Variants in TSC22D2 observed in about 807,000 individuals in gnomAD.
TSC22D2 encodes the protein TSC22 domain family member 2, also known as TSC22 domain family protein 2.
TSC22D2 carries 5 observed loss-of-function variants against 50.1 expected under a neutral mutation model. The observed-to-expected ratio is 0.10, with a 90% CI of 0.05 to 0.21. The LOEUF (loss-of-function observed/expected upper bound fraction) is 0.21. TSC22D2 is among the 10% of genes least tolerant of loss of function. The pLI is 1.00. For missense variants in TSC22D2, 1,003 were observed against 1,015.5 expected (o/e 0.99, Z 0.17); for synonymous variants, 501 against 450.1 (o/e 1.11, Z -1.43).
intron 1 of TSC22D2, among the ~76,000 whole-genome samples, chr3:150,420,314 G>A (rs935827897): frequency 1.3e-5 from 2 of 152,106 alleles, no homozygotes; most frequent in African/African-American, 4.8e-5. Flanking sequence ...CTCAGTTTAT[G>A]GATAACATCC....
At chr3:150,453,549 CG>C (rs1405227364) in intron 1 of TSC22D2, among the ~76,000 whole-genome samples, 8 of 152,068 alleles carry the variant, frequency 5.3e-5, no homozygotes, top group Non-Finnish European at 1.0e-4. Flanking sequence ...AAATAGATTA[CG>C]GGGCCCCGCC....
intron 1 of TSC22D2, among the ~76,000 whole-genome samples, chr3:150,428,635 C>T (rs1720277948): frequency 6.6e-6 from 1 of 150,572 alleles, no homozygotes; most frequent in South Asian, 2.1e-4. Context: ...GTGTTAATGG[C>T]ATTTTGTAGT....
chr3:150,447,335 T>G (rs1336946302), intron 1 of TSC22D2, among the ~76,000 whole-genome samples: 2 of 152,210 alleles, frequency 1.3e-5, no homozygotes, highest in East Asian at 3.9e-4. Flanking sequence ...GCCCCACTTG[T>G]CTTTTCATTG....
chr3:150,441,480 C>T (rs890007935), intron 1 of TSC22D2, among the ~76,000 whole-genome samples: 1 of 152,056 alleles, frequency 6.6e-6, no homozygotes, highest in East Asian at 1.9e-4. Context: ...TTATTGGAGG[C>T]CGGGCATGGT....
At chr3:150,420,433 CTG>C (rs1354790839) in intron 1 of TSC22D2, among the ~76,000 whole-genome samples, 2 of 152,158 alleles carry the variant, frequency 1.3e-5, no homozygotes, top group African/African-American at 2.4e-5. Context: ...GATTGTGTAA[CTG>C]TGTACTATAG....
rs576249682 is a variant in TSC22D2 at position 150,434,830 on chromosome 3, AT to A, written c.1959-22245del. 1.7e-3 allele frequency among the ~76,000 whole-genome samples: 249 copies of A among 149,110 alleles called. 2 individuals carry two copies. The highest frequency in any genetic ancestry group is 0.014 in the Admixed American group (206 of 14,836). Reference sequence around the variant, plus strand: ...TACTTATGCTTATATATGTATGTGTATATATGTACATATGCTTATATATGTA... The same window carrying A: ...TACTTATGCTTATATATGTATGTGTAATATGTACATATGCTTATATATGTA... On this transcript the variant is annotated intron_variant, in intron 1 of 2. Coordinates refer to ENST00000688009, the MANE Select transcript of TSC22D2 (RefSeq NM_001303264.2).
intron 1 of TSC22D2, among the ~76,000 whole-genome samples, chr3:150,432,255 CT>C (rs1560085575): frequency 6.6e-6 from 1 of 152,134 alleles, no homozygotes; most frequent in African/African-American, 2.4e-5. Flanking sequence ...TGTTTACCAC[CT>C]TCCTCTTTAG....
chr3:150,432,594 A>T (rs1472006280), intron 1 of TSC22D2, among the ~76,000 whole-genome samples: 3 of 151,918 alleles, frequency 2.0e-5, no homozygotes, highest in East Asian at 1.9e-4. Context: ...TTAAAAAAAA[A>T]AAATAATAAA....
Position 150,408,939 on chromosome 3 carries a change from C to G in TSC22D2, c.-412C>G, listed in dbSNP as rs1719372178. Reference sequence around the variant, plus strand: ...TCCTCCTCCTCTTCGCCCTCCCACTCCCACCCCCAGCCAAGGCCTGCTGAC... The same window carrying G: ...TCCTCCTCCTCTTCGCCCTCCCACTGCCACCCCCAGCCAAGGCCTGCTGAC... On this transcript the variant is annotated 5_prime_UTR_variant, in exon 1 of 3. Transcript: ENST00000688009. 2 of 170,648 alleles carry G rather than the reference C, an allele frequency of 1.2e-5. No homozygotes were observed. Among genetic ancestry groups the G allele is most frequent in the African/African-American group, 4.8e-5 (2 of 41,818 alleles). The allele number at this position is 170,648 out of a possible 1,614,324, so 10.6% of individuals were successfully genotyped here. A position where few individuals can be genotyped will look rare whatever the true frequency, so the allele number is the denominator to read the frequency against.
In TSC22D2 at chr3:150,414,220, A is replaced by G. The variant is rs1274208576; in HGVS notation, c.1958+2912A>G. Among the ~76,000 whole-genome samples the G allele has an allele frequency of 2.0e-5, 3 of 152,234 alleles. No individual in the cohort carries two copies. The East Asian group carries it at 5.8e-4, about 29-fold the overall frequency. On this transcript the variant is annotated intron_variant, in intron 1 of 2. Transcript: ENST00000688009. ...TTATCTTTCTGGCCATTTTCATTAGAAAGGTTTATGGTCAGTTGTTGAGAC... is the reference window on the plus strand; with the variant it reads ...TTATCTTTCTGGCCATTTTCATTAGGAAGGTTTATGGTCAGTTGTTGAGAC...
At chr3:150,450,430 A>G (rs1721005598) in intron 1 of TSC22D2, among the ~76,000 whole-genome samples, 1 of 152,072 alleles carries the variant, frequency 6.6e-6, no homozygotes, top group African/African-American at 2.4e-5. Flanking sequence ...GTTACTGCTA[A>G]TAATAATCTC....
At chr3:150,428,592 A>G (rs1720272215) in intron 1 of TSC22D2, among the ~76,000 whole-genome samples, 1 of 85,056 alleles carries the variant, frequency 1.2e-5, no homozygotes, top group Non-Finnish European at 3.0e-5. Flanking sequence ...GACTGGGTAT[A>G]GTAAAAAAAA....
Position 150,411,248 on chromosome 3 carries a change from T to C in TSC22D2, c.1898T>C (p.Met633Thr). The C allele has an allele frequency of 1.9e-6, 3 of 1,614,194 alleles. No homozygotes were observed. Among genetic ancestry groups the C allele is most frequent in the Non-Finnish European group, 2.5e-6 (3 of 1,180,024 alleles). ...GCAAACCCCCTTCAGTTAACACCTA[T>C]GAACAGTCTGGCCACCTCTGTATTC... The part of the protein sequence containing the change: ...SLANPLQLTP[M>T]NSLATSVFSI... Residue 633 changes from methionine to threonine, a missense_variant, in exon 1 of 3, where the codon ATG becomes ACG. Met to Thr is a moderately conservative substitution (Grantham distance 81). Around this residue, in one of 6 missense-constraint regions of TSC22D2, gnomAD observed 696 missense variants for 647.8 expected, o/e 1.07. Transcript: ENST00000688009.
Position 150,409,794 on chromosome 3 carries a change from T to A in TSC22D2, c.444T>A (p.Thr148=). 6.2e-7 allele frequency: 1 copy of A among 1,603,224 alleles called. No individual in the cohort carries two copies. Among genetic ancestry groups the A allele is most frequent in the South Asian group, 1.1e-5 (1 of 91,084 alleles). ...CGGGCTCATCCGCCGGGCCAGTGAC[T>A]GCAGCCCCATCTCAGCCTCCCACCA... ...QLAGSSAGPV[T]AAPSQPPTTC... is the part of the protein sequence containing the mutation. The change falls in exon 1 of 3, where the codon ACT becomes ACA. Residue 148 remains threonine, a synonymous_variant. Coordinates refer to ENST00000688009, the MANE Select transcript of TSC22D2 (RefSeq NM_001303264.2). This position sits in a 1 kb window ranked among gnomAD's most constrained non-coding sequence, Gnocchi z 7.4.
In TSC22D2 at chr3:150,465,100, A is replaced by C. The variant is rs1721514688; in HGVS notation, c.*6464A>C. On this transcript the variant is annotated 3_prime_UTR_variant, in exon 3 of 3. Transcript: ENST00000688009. ...AATAAAAGTGACATTTCAAATTAGT[A>C]AGGAAAAAATGGATTATTCAACAAA... is the stretch of plus-strand genomic sequence containing the variant. 6.6e-6 allele frequency: 1 copy of C among 152,338 alleles called. No individual in the cohort carries two copies. The highest frequency in any genetic ancestry group is 1.5e-5 in the Non-Finnish European group (1 of 68,010). The allele number at this position is 152,338 out of a possible 1,614,324, so 9.4% of individuals were successfully genotyped here. A position where few individuals can be genotyped will look rare whatever the true frequency, so the allele number is the denominator to read the frequency against.
chr3:150,453,227 A>T (rs1426012412), intron 1 of TSC22D2, among the ~76,000 whole-genome samples: 2 of 152,214 alleles, frequency 1.3e-5, no homozygotes, highest in Non-Finnish European at 2.9e-5. Flanking sequence ...AATGTGCTGA[A>T]TATAATAATT....
intron 1 of TSC22D2, chr3:150,423,382 G>C: frequency 4.3e-6 from 1 of 232,488 alleles, no homozygotes. Flanking sequence ...TTTTTCTTAT[G>C]AAATAGTCAC....
At chr3:150,451,067 AG>A (rs1021629862) in intron 1 of TSC22D2, among the ~76,000 whole-genome samples, 11 of 152,048 alleles carry the variant, frequency 7.2e-5, no homozygotes, top group Non-Finnish European at 2.9e-5. Flanking sequence ...GGTTTGGGCA[AG>A]GGGGTGTGAG....
intron 1 of TSC22D2, among the ~76,000 whole-genome samples, chr3:150,446,387 C>T (rs183750862): frequency 1.3e-5 from 2 of 152,238 alleles, no homozygotes; most frequent in Admixed American, 1.3e-4. Flanking sequence ...CGGTGGCACA[C>T]GCCTATAATC....
Sources: allele counts gnomAD v4.1 joint callset (sites outside exome capture counted in the v4.1 genomes callset), GRCh38; gene constraint gnomAD v4.1.1; regional missense constraint gnomAD v4.1.1; non-coding constraint Gnocchi (gnomAD v3.1); transcripts MANE v1.5; gene names NCBI Gene and HGNC (gene_info 2026-07-23, HGNC 2026-07-21).